ADAMTSL3: variants seen among roughly 807,000 people sequenced by gnomAD.
The protein encoded by ADAMTSL3 is ADAMTS like 3.
In ADAMTSL3, 128 loss-of-function variants were observed where a neutral mutation model predicts 201.7. The observed-to-expected ratio is 0.63, with a 90% CI of 0.55 to 0.73. The LOEUF (loss-of-function observed/expected upper bound fraction) is 0.73, where lower values mean the gene tolerates loss of function less well. Ranked by LOEUF, ADAMTSL3 falls within the 30% of genes least tolerant of loss-of-function variation. ADAMTSL3 has a pLI of 0.00. For missense variants in ADAMTSL3, 1,990 were observed against 2,119.6 expected (o/e 0.94, Z 1.20); for synonymous variants, 738 against 748.4 (o/e 0.99, Z 0.23).
At chr15:83,806,219 C>A (rs971098968) in intron 5 of ADAMTSL3, among the ~76,000 whole-genome samples, 2 of 149,052 alleles carry the variant, frequency 1.3e-5, no homozygotes, top group African/African-American at 5.0e-5. Flanking sequence ...GCATCCAAGT[C>A]CACATGGCAC....
At chr15:83,860,935 G>C (rs2064842446) in intron 8 of ADAMTSL3, among the ~76,000 whole-genome samples, 1 of 152,232 alleles carries the variant, frequency 6.6e-6, no homozygotes, top group African/African-American at 2.4e-5. Flanking sequence ...AGGGGTGACA[G>C]ACGGCACCTG....
intron 3 of ADAMTSL3, among the ~76,000 whole-genome samples, chr15:83,766,931 C>T (rs1054851380): frequency 9.9e-5 from 15 of 151,928 alleles, no homozygotes; most frequent in African/African-American, 2.9e-4. Flanking sequence ...CCTGTCTCTA[C>T]GAAAATACAA....
At chr15:83,800,217 A>C (rs2063496073) in intron 4 of ADAMTSL3, among the ~76,000 whole-genome samples, 1 of 152,194 alleles carries the variant, frequency 6.6e-6, no homozygotes. Flanking sequence ...GTTCACCATA[A>C]GACATTGTTG....
intron 2 of ADAMTSL3, among the ~76,000 whole-genome samples, chr15:83,690,497 C>T (rs1176524146): frequency 6.6e-6 from 1 of 152,226 alleles, no homozygotes; most frequent in Non-Finnish European, 1.5e-5. Context: ...CCTCTGTCCT[C>T]TCCATTTTTC....
chr15:83,819,861 C>T lies in ADAMTSL3; in HGVS notation c.414C>T (p.Tyr138=), dbSNP rs768408281. ...EDFRAQQCSA[Y]NDVQYQGHYY... is the part of the protein sequence containing the mutation. Reference sequence around the variant, plus strand: ...TCAGAGCCCAGCAGTGCTCAGCCTACAATGATGTCCAGTATCAGGGGCATT... The same window carrying T: ...TCAGAGCCCAGCAGTGCTCAGCCTATAATGATGTCCAGTATCAGGGGCATT... Residue 138 remains tyrosine, a synonymous_variant, in exon 6 of 30, where the codon TAC becomes TAT. Coordinates refer to ENST00000286744, the MANE Select transcript of ADAMTSL3 (RefSeq NM_207517.3). 6.2e-7 allele frequency: 1 copy of T among 1,614,094 alleles called. No individual in the cohort carries two copies. The highest frequency in any genetic ancestry group is 1.7e-5 in the Admixed American group (1 of 60,018).
chr15:83,701,313 T>G (rs1477551703), intron 2 of ADAMTSL3, among the ~76,000 whole-genome samples: 1 of 152,204 alleles, frequency 6.6e-6, no homozygotes, highest in African/African-American at 2.4e-5. Flanking sequence ...CTCCTCAGTC[T>G]TCCCTTGGAC....
At chr15:83,912,028 C>T (rs777979886) in intron 15 of ADAMTSL3, among the ~76,000 whole-genome samples, 30 of 152,162 alleles carry the variant, frequency 2.0e-4, no homozygotes, top group Non-Finnish European at 4.0e-4. Context: ...TTATCGAGCC[C>T]TGAGTTTTCA....
intron 3 of ADAMTSL3, among the ~76,000 whole-genome samples, chr15:83,714,775 CTTTCTTTCTT>C (rs1380784958): frequency 3.1e-4 from 34 of 110,714 alleles, no homozygotes; most frequent in African/African-American, 9.2e-4. Flanking sequence ...TTCTTTCTTT[CTTTCTTTCTT>C]TTTCTTTCTC....
chr15:83,864,778 A>G (rs1211654533), intron 8 of ADAMTSL3, among the ~76,000 whole-genome samples: 1 of 152,196 alleles, frequency 6.6e-6, no homozygotes, highest in Admixed American at 6.5e-5. Context: ...ATCACGCAGG[A>G]GAAAGAAATA....
Position 83,773,515 on chromosome 15 carries a change from A to G in ADAMTSL3, c.190-8A>G. 6.2e-7 allele frequency: 1 copy of G among 1,611,404 alleles called. No homozygotes were observed. The highest frequency in any genetic ancestry group is 8.5e-7 in the Non-Finnish European group (1 of 1,179,268). On this transcript the variant is annotated splice_polypyrimidine_tract_variant and splice_region_variant and intron_variant, in intron 3 of 29. Coordinates refer to ENST00000286744, the MANE Select transcript of ADAMTSL3 (RefSeq NM_207517.3). Reference sequence around the variant, plus strand: ...TTTTTTTTTGTTTGTTTGCTTTTTAACATCTAGACCTCAAGAAACACTCGT... The same window carrying G: ...TTTTTTTTTGTTTGTTTGCTTTTTAGCATCTAGACCTCAAGAAACACTCGT...
chr15:83,804,467 T>G (rs1446523723), intron 4 of ADAMTSL3, among the ~76,000 whole-genome samples, 183 bp from the exon 5 acceptor site: 1 of 152,158 alleles, frequency 6.6e-6, no homozygotes, highest in Admixed American at 6.5e-5. Context: ...CCACAAGACT[T>G]TTTGGCTCCC....
intron 3 of ADAMTSL3, among the ~76,000 whole-genome samples, chr15:83,761,732 A>T (rs974986167): frequency 1.3e-5 from 2 of 152,232 alleles, no homozygotes; most frequent in Admixed American, 6.5e-5. Context: ...TCCCTCATGT[A>T]AAGTATCTTT....
intron 9 of ADAMTSL3, among the ~76,000 whole-genome samples, chr15:83,871,569 C>T (rs146178094): frequency 6.6e-6 from 1 of 152,094 alleles, no homozygotes; most frequent in African/African-American, 2.4e-5. Flanking sequence ...TGGGCTGATT[C>T]AAGATCAGGA....
At chr15:83,974,881 C>A (rs1218180810) in intron 20 of ADAMTSL3, among the ~76,000 whole-genome samples, 1 of 152,016 alleles carries the variant, frequency 6.6e-6, no homozygotes, top group East Asian at 1.9e-4. Flanking sequence ...CAGGCATGCC[C>A]TATTTTATTG....
chr15:83,856,901 T>C (rs2064746940), intron 7 of ADAMTSL3, among the ~76,000 whole-genome samples: 1 of 152,170 alleles, frequency 6.6e-6, no homozygotes, highest in African/African-American at 2.4e-5. Flanking sequence ...TTTTCCATGG[T>C]AGTTGTACCA....
intron 4 of ADAMTSL3, among the ~76,000 whole-genome samples, chr15:83,784,794 G>A (rs1000756478): frequency 9.0e-5 from 13 of 145,078 alleles, no homozygotes; most frequent in African/African-American, 3.5e-4. Context: ...GATTACTTAG[G>A]CTTTTTTTTC....
intron 4 of ADAMTSL3, among the ~76,000 whole-genome samples, chr15:83,776,375 A>G (rs2063074620): frequency 6.6e-6 from 1 of 152,190 alleles, no homozygotes; most frequent in African/African-American, 2.4e-5. Flanking sequence ...AGGTTCTTAT[A>G]TCTAAGGAGA....
rs192266112 is a variant in ADAMTSL3 at position 83,949,256 on chromosome 15, T to C, written c.2490+6174T>C. Among the ~76,000 whole-genome samples the C allele has an allele frequency of 5.8e-3, 877 of 152,266 alleles. 12 individuals are homozygous for C. The highest frequency in any genetic ancestry group is 0.02 in the African/African-American group (845 of 41,562). On this transcript the variant is annotated intron_variant, in intron 19 of 29. Coordinates refer to ENST00000286744, the MANE Select transcript of ADAMTSL3 (RefSeq NM_207517.3). ...GCTCCCACAAATAAGTGAGAACATGTGATGTTTGTCTTTCTGTGCCTGGCT... is the reference window on the plus strand; with the variant it reads ...GCTCCCACAAATAAGTGAGAACATGCGATGTTTGTCTTTCTGTGCCTGGCT...
intron 2 of ADAMTSL3, among the ~76,000 whole-genome samples, chr15:83,678,959 G>C (rs2061443478): frequency 6.7e-6 from 1 of 149,280 alleles, no homozygotes; most frequent in African/African-American, 2.5e-5. Flanking sequence ...TTCTGTGATA[G>C]TGAAAGTATC....
Sources: allele counts gnomAD v4.1 joint callset (sites outside exome capture counted in the v4.1 genomes callset), GRCh38; gene constraint gnomAD v4.1.1; transcripts MANE v1.5; gene names NCBI Gene and HGNC (gene_info 2026-07-23, HGNC 2026-07-21).